Variants in TBC1D32 observed in about 807,000 individuals in gnomAD.
TBC1D32 encodes protein broad-minded.
In TBC1D32, 151 loss-of-function variants were observed where a neutral mutation model predicts 170.3. The ratio of observed to expected loss-of-function variants is 0.89; its 90% CI spans 0.78 to 1.01. The LOEUF is 1.01. Ranked by LOEUF, TBC1D32 falls within the 50% of genes least tolerant of loss-of-function variation. The probability of loss-of-function intolerance (pLI) is 0.00; values close to 1 mark genes in which losing one functional copy is unlikely to be tolerated. For missense variants in TBC1D32, 1,464 were observed against 1,457.1 expected (o/e 1.00, Z -0.08); for synonymous variants, 498 against 488.0 (o/e 1.02, Z -0.27).
rs1322180763 is a variant in TBC1D32, at chr6:121,170,473, C to G, written c.2571-9417G>C. 1.9e-6 allele frequency: 3 copies of G among 1,608,416 alleles called. No homozygotes were observed. In the South Asian group the frequency reaches 3.3e-5, roughly 18 times the overall value. ...TTAGTAACATTTCAGATACCTGATA[C>G]TGAGCCTCTAACAGGAGAAGAGTGT... On this transcript the variant is annotated intron_variant, in intron 22 of 31. Transcript: ENST00000398212.
chr6:121,294,493 A>T, intron 11 of TBC1D32, 77 bp downstream of exon 11: 1 of 1,060,508 alleles, frequency 9.4e-7, no homozygotes, highest in Non-Finnish European at 1.4e-6. Context: ...ATTAAAAAAT[A>T]AAAGTTCCTA....
intron 14 of TBC1D32, among the ~76,000 whole-genome samples, chr6:121,280,391 G>A (rs1418182769): frequency 6.6e-6 from 1 of 151,768 alleles, no homozygotes; most frequent in African/African-American, 2.4e-5. Flanking sequence ...TGATATAGTA[G>A]AGGTTCAATG....
intron 30 of TBC1D32, among the ~76,000 whole-genome samples, chr6:121,100,375 T>A (rs1437959769): frequency 6.6e-6 from 1 of 151,962 alleles, no homozygotes; most frequent in Non-Finnish European, 1.5e-5. Flanking sequence ...TGTGTTAAAG[T>A]CTCCCATTAT....
intron 15 of TBC1D32, among the ~76,000 whole-genome samples, chr6:121,264,635 T>C (rs1800208689): frequency 6.6e-6 from 1 of 152,024 alleles, no homozygotes. Context: ...CAGGCCAATA[T>C]CCCTAATGAA....
chr6:121,173,771 T>G (rs1283755635), intron 22 of TBC1D32, among the ~76,000 whole-genome samples: 1 of 152,046 alleles, frequency 6.6e-6, no homozygotes, highest in Non-Finnish European at 1.5e-5. Context: ...CATACAAAAT[T>G]TGGGCCTTTA....
At chr6:121,114,042 C>T (rs1002722391) in intron 27 of TBC1D32, among the ~76,000 whole-genome samples, 1 of 152,066 alleles carries the variant, frequency 6.6e-6, no homozygotes, top group Non-Finnish European at 1.5e-5. Context: ...GGCATGGTGG[C>T]ATGCACCTGT....
chr6:121,315,422 G>A (rs1260125887), intron 3 of TBC1D32, among the ~76,000 whole-genome samples: 1 of 152,052 alleles, frequency 6.6e-6, no homozygotes, highest in African/African-American at 2.4e-5. Flanking sequence ...TCACAACTAT[G>A]GTAATAACTA....
chr6:121,129,362 A>T (rs1156412060), intron 25 of TBC1D32, among the ~76,000 whole-genome samples: 3 of 152,204 alleles, frequency 2.0e-5, no homozygotes, highest in Non-Finnish European at 2.9e-5. Context: ...AAGCTAGGCT[A>T]GGTTAAGCTA....
rs1291158707 is a variant in TBC1D32, at chr6:121,281,567, G to A, written c.1585C>T (p.His529Tyr). The change falls in exon 14 of 32, where the codon CAC (histidine) becomes TAC (tyrosine). Residue 529 changes from histidine (H) to tyrosine (Y), a missense_variant. His to Tyr is a moderately conservative substitution (Grantham distance 83). Around this residue, in one of 3 missense-constraint regions of TBC1D32, gnomAD observed 1,363 missense variants for 1,338.1 expected, o/e 1.02. Transcript: ENST00000398212. ...ACCTCATTTCCTTTCATTAAATTGT[G>A]AATAGGCTGAAGAAGTGTCTCTATT... ...IVIETLLQPIHNLMKGNEASP... is the reference protein window; with the variant it reads ...IVIETLLQPIYNLMKGNEASP... The A allele has an allele frequency of 2.5e-6, 4 of 1,604,962 alleles. No homozygotes were observed. The African/African-American group carries it at 5.4e-5, about 22-fold the overall frequency.
chr6:121,241,648 T>C, intron 18 of TBC1D32, 96 bp from the exon 19 acceptor site: 2 of 987,796 alleles, frequency 2.0e-6, no homozygotes, highest in Non-Finnish European at 3.1e-6. Flanking sequence ...AAAAACAAAC[T>C]CTGAAAAATA....
intron 3 of TBC1D32, among the ~76,000 whole-genome samples, chr6:121,315,845 A>G (rs1808864386): frequency 6.6e-6 from 1 of 152,162 alleles, no homozygotes; most frequent in African/African-American, 2.4e-5. Context: ...TAGAACTTGG[A>G]CATACTGAAA....
At chr6:121,081,608 G>A (rs560149220) in intron 31 of TBC1D32, among the ~76,000 whole-genome samples, 2 of 151,800 alleles carry the variant, frequency 1.3e-5, no homozygotes, top group South Asian at 2.1e-4. Context: ...TGCCTTTCAG[G>A]AGTTTATAGT....
intron 22 of TBC1D32, among the ~76,000 whole-genome samples, chr6:121,187,350 T>G (rs962618075): frequency 1.3e-5 from 2 of 152,126 alleles, no homozygotes; most frequent in African/African-American, 4.8e-5. Context: ...GTCTTATTAT[T>G]GAAAGGGTTA....
At chr6:121,136,449 C>T (rs1279057877) in intron 24 of TBC1D32, among the ~76,000 whole-genome samples, 1 of 152,154 alleles carries the variant, frequency 6.6e-6, no homozygotes, top group Non-Finnish European at 1.5e-5. Context: ...TTCTGATTGT[C>T]ACAACTGAGA....
chr6:121,211,994 A>AACACACACACACACACACAC (rs66924686), intron 21 of TBC1D32, among the ~76,000 whole-genome samples: 3 of 148,530 alleles, frequency 2.0e-5, no homozygotes, highest in African/African-American at 7.5e-5. Flanking sequence ...GAACAAACAC[A>AACACACACACACACACACAC]ACACACACAC....
In TBC1D32 at chr6:121,205,106, T is replaced by G; in HGVS notation, c.2539A>C (p.Asn847His). ...CCAAAGATATGTGATTGTTCATAGT[T>G]GAATAAAGAACGAATCTTAGCTTCA... is the stretch of plus-strand genomic sequence containing the variant. Reference protein sequence around the residue: ...NSEAKIRSLFNYEQSHIFGLR... With the variant: ...NSEAKIRSLFHYEQSHIFGLR... Residue 847 changes from asparagine (N) to histidine (H), a missense_variant, in exon 22 of 32, where the codon AAC (asparagine) becomes CAC (histidine). This residue lies in a region of TBC1D32 where 1,363 missense variants were observed against 1,338.1 expected (regional missense o/e 1.02). Coordinates refer to ENST00000398212, the MANE Select transcript of TBC1D32 (RefSeq NM_152730.6). The G allele has an allele frequency of 6.5e-7, 1 of 1,532,668 alleles. No homozygotes were observed. Among genetic ancestry groups the G allele is most frequent in the South Asian group, 1.2e-5 (1 of 81,866 alleles). The allele number at this position is 1,532,668 out of a possible 1,614,324, so 94.9% of individuals were successfully genotyped here. A position where few individuals can be genotyped will look rare whatever the true frequency, so the allele number is the denominator to read the frequency against.
chr6:121,307,833 G>A (rs1415103412), intron 5 of TBC1D32, 143 bp downstream of exon 5: 2 of 902,444 alleles, frequency 2.2e-6, no homozygotes, highest in Admixed American at 6.2e-5. Flanking sequence ...GTGCACTCCA[G>A]CCTGGGCAAA....
chr6:121,099,616 T>C (rs1450596627), intron 30 of TBC1D32, among the ~76,000 whole-genome samples: 1 of 151,942 alleles, frequency 6.6e-6, no homozygotes, highest in African/African-American at 2.4e-5. Flanking sequence ...ATGAAATTTG[T>C]ATCCAAATAA....
At chr6:121,232,220 G>A (rs1795829068) in intron 20 of TBC1D32, among the ~76,000 whole-genome samples, 1 of 151,994 alleles carries the variant, frequency 6.6e-6, no homozygotes, top group South Asian at 2.1e-4. Flanking sequence ...CTTTGTCGAA[G>A]ATCAGTTGGC....
Sources: allele counts gnomAD v4.1 joint callset (sites outside exome capture counted in the v4.1 genomes callset), GRCh38; gene constraint gnomAD v4.1.1; regional missense constraint gnomAD v4.1.1; transcripts MANE v1.5; gene names NCBI Gene and HGNC (gene_info 2026-07-23, HGNC 2026-07-21).